The following HSCB variants were observed in gnomAD, a reference collection of about 807,000 sequenced individuals.
HSCB encodes iron-sulfur cluster co-chaperone protein HscB.
A neutral mutation model predicts 31.3 loss-of-function variants in HSCB; 23 were observed. That is an observed-to-expected ratio of 0.74 (90% CI 0.53 to 1.04). The LOEUF is 1.04. Among genes scored for constraint, HSCB ranks in the 50% least tolerant of loss-of-function variants. HSCB has a pLI of 0.00. For missense variants in HSCB, 297 were observed against 288.1 expected (o/e 1.03, Z -0.22); for synonymous variants, 110 against 104.5 (o/e 1.05, Z -0.32).
intron 5 of HSCB, among the ~76,000 whole-genome samples, chr22:28,751,809 T>A (rs1242453173): frequency 2.0e-5 from 3 of 151,110 alleles, no homozygotes; most frequent in Non-Finnish European, 4.4e-5. Context: ...AAAAAAGTGA[T>A]CTGGGAACAG....
At position 28,742,417 on chromosome 22, in the gene HSCB, C is replaced by T. The variant is rs576904921; in HGVS notation, c.236+86C>T. 56 of 1,541,790 alleles carry T rather than the reference C, an allele frequency of 3.6e-5. 1 individual carries two copies. The East Asian group carries it at 8.5e-4, about 23-fold the overall frequency. Reference sequence around the variant, plus strand: ...GAGAGGGGAGGACGGATCTGGCTGGCGGAAGAGAAGGCGGGACTGATGGGG... The same window carrying T: ...GAGAGGGGAGGACGGATCTGGCTGGTGGAAGAGAAGGCGGGACTGATGGGG... On this transcript the variant is annotated intron_variant, in intron 1 of 5. Coordinates refer to ENST00000216027, the MANE Select transcript of HSCB (RefSeq NM_172002.5).
At position 28,743,906 on chromosome 22, in the gene HSCB, A is replaced by C. The variant is rs746328531; in HGVS notation, c.261A>C (p.Thr87=). Residue 87 remains threonine (T), a synonymous_variant, in exon 2 of 6, where the codon ACA becomes ACC. Coordinates refer to ENST00000216027, the MANE Select transcript of HSCB (RefSeq NM_172002.5). ...MDCNRSFRVD[T]AKLQHRYQQL... ...GCAACCGTTCCTTCAGAGTTGATACAGCGAAGCTCCAGCACAGGTACCAGC... is the reference window on the plus strand; with the variant it reads ...GCAACCGTTCCTTCAGAGTTGATACCGCGAAGCTCCAGCACAGGTACCAGC... The C allele has an allele frequency of 1.2e-6, 2 of 1,614,168 alleles. No individual in the cohort carries two copies. Among genetic ancestry groups the C allele is most frequent in the Non-Finnish European group, 1.7e-6 (2 of 1,180,014 alleles).
rs2054642174 is a variant in HSCB at position 28,744,078 on chromosome 22, C to G, written c.333+100C>G. The G allele has an allele frequency of 4.2e-6, 4 of 943,290 alleles. No homozygotes were observed. In the South Asian group the frequency reaches 5.2e-5, roughly 12 times the overall value. 58.4% of individuals were successfully genotyped at this position (943,290 alleles called of 1,614,324 possible). A position where few individuals can be genotyped will look rare whatever the true frequency, so the allele number is the denominator to read the frequency against. ...ATTATCAGGGACTGAGCTGGAAAAT[C>G]AGCTGTGTCTGCCCCATGGCAGTCT... On this transcript the variant is annotated intron_variant, in intron 2 of 5. Coordinates refer to ENST00000216027, the MANE Select transcript of HSCB (RefSeq NM_172002.5).
chr22:28,745,342 GTTCAAGACCAGCCTGGTCAAGATGGTGAA>G (rs936570262), intron 3 of HSCB: 1 of 41,672 alleles, frequency 2.4e-5, no homozygotes, highest in African/African-American at 9.8e-5. Flanking sequence ...GAGGTCAGGA[GTTCAAGACCAGCCTGGTCAAGATGGTGAA>G]ACCCCGCCTC....
intron 5 of HSCB, among the ~76,000 whole-genome samples, chr22:28,752,120 G>A (rs1213190937): frequency 6.6e-6 from 1 of 150,972 alleles, no homozygotes; most frequent in African/African-American, 2.4e-5. Flanking sequence ...CCTGAAGGAG[G>A]AATGAAGCTA....
rs374161652 is a variant in HSCB, at chr22:28,742,239, G to C, written c.144G>C (p.Trp48Cys). ...YPRCWNCGGPWGPGREDRFFC... is the reference protein window; with the variant it reads ...YPRCWNCGGPCGPGREDRFFC... ...GCTGTTGGAACTGCGGCGGCCCATGGGGCCCCGGGCGGGAGGACAGGTTCT... is the reference window on the plus strand; with the variant it reads ...GCTGTTGGAACTGCGGCGGCCCATGCGGCCCCGGGCGGGAGGACAGGTTCT... The change falls in exon 1 of 6, where the codon TGG becomes TGC. Residue 48 changes from tryptophan (W) to cysteine (C), a missense_variant. Transcript: ENST00000216027. 1.2e-6 allele frequency: 2 copies of C among 1,613,912 alleles called. No individual in the cohort carries two copies. Among genetic ancestry groups the C allele is most frequent in the African/African-American group, 1.3e-5 (1 of 74,934 alleles).
chr22:28,747,914 A>G (rs1278318716), intron 4 of HSCB, among the ~76,000 whole-genome samples: 1 of 151,620 alleles, frequency 6.6e-6, no homozygotes, highest in Admixed American at 6.6e-5. Flanking sequence ...GGCTGGGTGC[A>G]GTGGCTCACG....
intron 2 of HSCB, 38 bp downstream of exon 2, chr22:28,744,016 T>C (rs762152414): frequency 4.3e-6 from 6 of 1,408,012 alleles, no homozygotes; most frequent in Non-Finnish European, 6.0e-6. Context: ...CCCAAATATG[T>C]GTGCACACTG....
rs146039144 is a variant in HSCB at position 28,744,843 on chromosome 22, G to C, written c.423+139G>C. 1,643 of 685,368 alleles carry C rather than the reference G, an allele frequency of 2.4e-3. 20 individuals are homozygous for C. The African/African-American group carries it at 0.026, about 11-fold the overall frequency. 42.5% of individuals were successfully genotyped at this position (685,368 alleles called of 1,614,324 possible). On this transcript the variant is annotated intron_variant, in intron 3 of 5. Transcript: ENST00000216027. ...CACACCTGTAATCCCAGAACTTTCA[G>C]AGGCTGAGGTGGTCAGATCACTTCA... is the stretch of plus-strand genomic sequence containing the variant.
At chr22:28,742,695 G>T in intron 1 of HSCB, 1 of 316,066 alleles carries the variant, frequency 3.2e-6, no homozygotes, top group Non-Finnish European at 6.0e-6. Flanking sequence ...TTGAGGGGCA[G>T]GGCCTGGGAG....
At chr22:28,751,343 C>T in intron 5 of HSCB, 55 bp downstream of exon 5, 1 of 1,016,722 alleles carries the variant, frequency 9.8e-7, no homozygotes, top group Non-Finnish European at 1.5e-6. Context: ...AGCACTGAAG[C>T]ATAGCCATTC....
intron 4 of HSCB, among the ~76,000 whole-genome samples, chr22:28,746,551 G>A (rs751282448): frequency 5.5e-4 from 84 of 151,598 alleles, no homozygotes; most frequent in Non-Finnish European, 8.8e-4. Context: ...CCAGGAGTTC[G>A]AGACCAGCCT....
At chr22:28,755,657 T>G (rs1353530382) in intron 5 of HSCB, among the ~76,000 whole-genome samples, 1 of 152,208 alleles carries the variant, frequency 6.6e-6, no homozygotes, top group Non-Finnish European at 1.5e-5. Context: ...TTGCTTAATA[T>G]TTTATTTTTG....
Position 28,757,045 on chromosome 22 carries a change from G to A in HSCB, c.617-33G>A, listed in dbSNP as rs200121301. 463 of 1,243,780 alleles carry A rather than the reference G, an allele frequency of 3.7e-4. No homozygotes were observed. The Middle Eastern group carries it at 5.1e-3, about 14-fold the overall frequency. 77.0% of individuals were successfully genotyped at this position (1,243,780 alleles called of 1,614,324 possible). On this transcript the variant is annotated intron_variant, in intron 5 of 5. Transcript: ENST00000216027. ...AGTTGGTTTTATTCTTGCTTGAAAT[G>A]AAGCCTGACTTCAGTGTCTCTGTCT...
intron 5 of HSCB, 144 bp downstream of exon 5, chr22:28,751,432 G>A (rs2030247423): frequency 1.9e-6 from 1 of 527,572 alleles, no homozygotes; most frequent in Admixed American, 3.8e-5. Flanking sequence ...CTACATTTCT[G>A]TCTTTAAAAA....
At chr22:28,742,563 G>A (rs1301458670) in intron 1 of HSCB, 2 of 670,668 alleles carry the variant, frequency 3.0e-6, no homozygotes, top group African/African-American at 3.6e-5. Context: ...CGGGACTGGA[G>A]GGGCGGGCGC....
rs779161836 is a variant in HSCB at position 28,742,236 on chromosome 22, A to T, written c.141A>T (p.Pro47=). The change falls in exon 1 of 6, where the codon CCA becomes CCT. Residue 47 remains proline (P), a synonymous_variant. Coordinates refer to ENST00000216027, the MANE Select transcript of HSCB (RefSeq NM_172002.5). ...NYPRCWNCGG[P]WGPGREDRFF... ...CCCGCTGTTGGAACTGCGGCGGCCCATGGGGCCCCGGGCGGGAGGACAGGT... is the reference window on the plus strand; with the variant it reads ...CCCGCTGTTGGAACTGCGGCGGCCCTTGGGGCCCCGGGCGGGAGGACAGGT... 1.2e-6 allele frequency: 2 copies of T among 1,613,920 alleles called. No individual in the cohort carries two copies. The highest frequency in any genetic ancestry group is 4.5e-5 in the East Asian group (2 of 44,866).
At chr22:28,751,727 CAG>C (rs2030271966) in intron 5 of HSCB, among the ~76,000 whole-genome samples, 1 of 147,394 alleles carries the variant, frequency 6.8e-6, no homozygotes, top group African/African-American at 2.5e-5. Context: ...GCCTGAGTGA[CAG>C]AGCGAGACTC....
rs759255457 is a variant in HSCB at position 28,742,199 on chromosome 22, G to A, written c.104G>A (p.Gly35Glu). Residue 35 changes from glycine (G) to glutamate (E), a missense_variant, in exon 1 of 6, where the codon GGA becomes GAA. Gly to Glu is a moderately conservative substitution (Grantham distance 98). Transcript: ENST00000216027. ...AGCTGCGATGCTGCGTCGCAGGCGG[G>A]AAGCAATTATCCCCGCTGTTGGAAC... ...PLSCDAASQA[G>E]SNYPRCWNCG... 1.2e-6 allele frequency: 2 copies of A among 1,613,940 alleles called. No individual in the cohort carries two copies. Among genetic ancestry groups the A allele is most frequent in the Non-Finnish European group, 1.7e-6 (2 of 1,179,962 alleles).
Sources: gnomAD v4.1 joint callset for allele counts (sites outside exome capture counted in the v4.1 genomes callset) on GRCh38, gnomAD v4.1.1 for gene constraint, MANE v1.5 for transcripts, NCBI Gene and HGNC (gene_info 2026-07-23, HGNC 2026-07-21) for gene names.